Variants in PLXNA2 observed in about 807,000 individuals in gnomAD.
The protein encoded by PLXNA2 is plexin A2.
PLXNA2 carries 91 observed loss-of-function variants against 193.5 expected under a neutral mutation model. That is an observed-to-expected ratio of 0.47 (90% confidence interval 0.40 to 0.56). The LOEUF (loss-of-function observed/expected upper bound fraction) is 0.56. Among genes scored for constraint, PLXNA2 ranks in the 20% least tolerant of loss-of-function variants. PLXNA2 has a pLI of 0.00. For synonymous variants in PLXNA2, 997 were observed against 1,027.3 expected (o/e 0.97, Z 0.56); for missense variants, 1,995 against 2,503.2 (o/e 0.80, Z 4.33).
intron 26 of PLXNA2, among the ~76,000 whole-genome samples, chr1:208,035,398 G>A (rs1281779830): frequency 6.6e-6 from 1 of 152,100 alleles, no homozygotes; most frequent in African/African-American, 2.4e-5. Context: ...TATAATGCCT[G>A]GATCACTTCA....
chr1:208,159,893 T>TG (rs1669058121), intron 3 of PLXNA2, among the ~76,000 whole-genome samples: 1 of 152,074 alleles, frequency 6.6e-6, no homozygotes, highest in African/African-American at 2.4e-5. Flanking sequence ...GGCTGGCACT[T>TG]GGGGGATTTT....
At chr1:208,081,226 G>GA (rs1183156441) in intron 11 of PLXNA2, among the ~76,000 whole-genome samples, 4 of 152,088 alleles carry the variant, frequency 2.6e-5, no homozygotes, top group African/African-American at 4.8e-5. Flanking sequence ...AGGAGAAATA[G>GA]AAAAAAATAA....
At chr1:208,098,195 C>A (rs1666969133) in intron 6 of PLXNA2, among the ~76,000 whole-genome samples, 1 of 152,064 alleles carries the variant, frequency 6.6e-6, no homozygotes, top group Non-Finnish European at 1.5e-5. Context: ...TCCCTTGGAG[C>A]CAAAAGCTCC....
chr1:208,178,386 G>C (rs1303876437), intron 3 of PLXNA2, among the ~76,000 whole-genome samples: 1 of 152,224 alleles, frequency 6.6e-6, no homozygotes, highest in Non-Finnish European at 1.5e-5. Context: ...GAAGAATGAG[G>C]GTGGGCCTAA....
chr1:208,155,484 C>T (rs2102505087), intron 3 of PLXNA2, among the ~76,000 whole-genome samples: 1 of 152,308 alleles, frequency 6.6e-6, no homozygotes, highest in Non-Finnish European at 1.5e-5. Context: ...CCCCACTCTT[C>T]TAGGATTTTT....
chr1:208,137,809 G>C (rs1177073009), intron 4 of PLXNA2, among the ~76,000 whole-genome samples: 1 of 152,144 alleles, frequency 6.6e-6, no homozygotes, highest in Non-Finnish European at 1.5e-5. Context: ...GAGAATACAT[G>C]AGTGCTATAT....
intron 3 of PLXNA2, among the ~76,000 whole-genome samples, chr1:208,153,299 A>C (rs1668828523): frequency 1.3e-5 from 2 of 152,214 alleles, no homozygotes; most frequent in Non-Finnish European, 2.9e-5. Context: ...GGCTGAGATG[A>C]GGAAACGGAG....
intron 3 of PLXNA2, among the ~76,000 whole-genome samples, chr1:208,184,362 G>T (rs547870149): frequency 4.6e-5 from 7 of 152,092 alleles, no homozygotes; most frequent in East Asian, 3.9e-4. Context: ...GAATTCAGGT[G>T]GTAGCTACAG....
In PLXNA2 at chr1:208,046,045, G is replaced by A; in HGVS notation, c.3328C>T (p.Leu1110=). The change falls in exon 18 of 32, where the codon CTG becomes TTG. Residue 1110 remains leucine (L), a synonymous_variant. Coordinates refer to ENST00000367033, the MANE Select transcript of PLXNA2 (RefSeq NM_025179.4). Reference sequence around the variant, plus strand: ...TCATCTGGGCGTTCCACAGTGTCCAGGCCAGGGCGGTAGTCCGTGGTCAGA... The same window carrying A: ...TCATCTGGGCGTTCCACAGTGTCCAAGCCAGGGCGGTAGTCCGTGGTCAGA... ...PSLTTDYRPG[L]DTVERPDEFG... is the part of the protein sequence containing the mutation. 1.2e-6 allele frequency: 2 copies of A among 1,614,264 alleles called. No homozygotes were observed. The highest frequency in any genetic ancestry group is 1.7e-6 in the Non-Finnish European group (2 of 1,180,056).
chr1:208,149,217 T>G (rs1452251428), intron 3 of PLXNA2, among the ~76,000 whole-genome samples: 1 of 151,978 alleles, frequency 6.6e-6, no homozygotes, highest in Non-Finnish European at 1.5e-5. Flanking sequence ...GTTGTGTGTA[T>G]GTGTATGATG....
At chr1:208,088,350 A>G (rs941614297) in intron 9 of PLXNA2, among the ~76,000 whole-genome samples, 2 of 152,170 alleles carry the variant, frequency 1.3e-5, no homozygotes, top group African/African-American at 4.8e-5. Context: ...GACTTCTCCC[A>G]TGTGGAAATG....
chr1:208,033,282 A>T, intron 28 of PLXNA2, 37 bp downstream of exon 28: 1 of 1,575,862 alleles, frequency 6.3e-7, no homozygotes, highest in Non-Finnish European at 8.7e-7. Context: ...GTGCTCCTTT[A>T]ACAAGCACTC....
At chr1:208,212,984 C>G (rs1216144914) in intron 2 of PLXNA2, among the ~76,000 whole-genome samples, 1 of 152,214 alleles carries the variant, frequency 6.6e-6, no homozygotes, top group Non-Finnish European at 1.5e-5. Flanking sequence ...CCTTTGAGCT[C>G]TAAAAGTCCT....
chr1:208,217,559 A>C lies in PLXNA2; in HGVS notation c.364T>G (p.Ser122Ala). 6.2e-7 allele frequency: 1 copy of C among 1,614,192 alleles called. No individual in the cohort carries two copies. Among genetic ancestry groups the C allele is most frequent in the South Asian group, 1.1e-5 (1 of 91,070 alleles). Residue 122 changes from serine (S) to alanine (A), a missense_variant, in exon 2 of 32, where the codon TCT becomes GCT. This residue lies in a region of PLXNA2 where 702 missense variants were observed against 812.9 expected (regional missense o/e 0.86). Coordinates refer to ENST00000367033, the MANE Select transcript of PLXNA2 (RefSeq NM_025179.4). This position sits in a 1 kb window ranked among gnomAD's most constrained non-coding sequence, Gnocchi z 4.7. ...CCACAGGCCAGCAGGCGGTTCTCAG[A>C]GTAGTCAATGATGAGCAGCTTGTTG... ...NVNKLLIIDY[S>A]ENRLLACGSL... is the part of the protein sequence containing the mutation.
At chr1:208,036,048 C>G (rs2102308220) in intron 26 of PLXNA2, among the ~76,000 whole-genome samples, 1 of 152,362 alleles carries the variant, frequency 6.6e-6, no homozygotes, top group South Asian at 2.1e-4. Context: ...TGGTATAAAG[C>G]TCCAAGGTCC....
chr1:208,226,657 G>A (rs937316614), intron 1 of PLXNA2, among the ~76,000 whole-genome samples: 11 of 152,314 alleles, frequency 7.2e-5, no homozygotes, highest in African/African-American at 2.2e-4. Flanking sequence ...TATGTCATGG[G>A]CCTGTCAGAA....
intron 4 of PLXNA2, among the ~76,000 whole-genome samples, chr1:208,137,682 C>T (rs78624437): frequency 1.1e-4 from 17 of 152,244 alleles, no homozygotes; most frequent in Non-Finnish European, 1.8e-4. Flanking sequence ...TGGGACTGGC[C>T]GGTCTTAGAT....
chr1:208,223,200 G>T (rs1390849298), intron 1 of PLXNA2, among the ~76,000 whole-genome samples: 1 of 82,448 alleles, frequency 1.2e-5, no homozygotes, highest in African/African-American at 4.4e-5. Flanking sequence ...GGAGAATGCT[G>T]AGGGAGATTA....
chr1:208,041,803 A>T (rs1664879631), intron 22 of PLXNA2, among the ~76,000 whole-genome samples: 2 of 152,238 alleles, frequency 1.3e-5, no homozygotes, highest in South Asian at 4.1e-4. Context: ...AGTGGTTACA[A>T]CACTGGCCAG....
Sources: gnomAD v4.1 joint callset for allele counts (sites outside exome capture counted in the v4.1 genomes callset) on GRCh38, gnomAD v4.1.1 for gene constraint, gnomAD v4.1.1 regional missense constraint, Gnocchi (gnomAD v3.1) non-coding constraint, MANE v1.5 for transcripts, NCBI Gene and HGNC (gene_info 2026-07-23, HGNC 2026-07-21) for gene names.